Variants in TRA2A observed in about 807,000 individuals in gnomAD.
TRA2A encodes transformer 2 alpha homolog, also known as transformer-2 protein homolog alpha.
A neutral mutation model predicts 45.7 loss-of-function variants in TRA2A; 31 were observed. The ratio of observed to expected loss-of-function variants is 0.68; its 90% CI spans 0.51 to 0.92. The LOEUF (loss-of-function observed/expected upper bound fraction) is 0.92. Ranked by LOEUF, TRA2A falls within the 40% of genes least tolerant of loss-of-function variation. TRA2A has a pLI of 0.00. For missense variants in TRA2A, 304 were observed against 367.5 expected (o/e 0.83, Z 1.41); for synonymous variants, 132 against 126.2 (o/e 1.05, Z -0.31).
In TRA2A at chr7:23,507,462, G is replaced by T. The variant is rs1355970199; in HGVS notation, c.599C>A (p.Ala200Glu). Residue 200 changes from alanine to glutamate, a missense_variant, in exon 5 of 8, where the codon GCG (alanine) becomes GAG (glutamate). Physicochemically the swap from Ala to Glu is moderately radical, Grantham distance 107 (BLOSUM62 -1). Transcript: ENST00000297071. The part of the protein sequence containing the change: ...IRVDYSITKR[A>E]HTPTPGIYMG... ...GTAGATGCCTGGTGTTGGTGTGTGC[G>T]CTCTCTTGGTTATAGAATAATCCAC... 2 of 1,613,954 alleles carry T rather than the reference G, an allele frequency of 1.2e-6. No individual in the cohort carries two copies. The highest frequency in any genetic ancestry group is 1.7e-6 in the Non-Finnish European group (2 of 1,180,022).
At chr7:23,524,179 G>C (rs1299862548) in intron 1 of TRA2A, among the ~76,000 whole-genome samples, 1 of 152,126 alleles carries the variant, frequency 6.6e-6, no homozygotes, top group African/African-American at 2.4e-5. Context: ...CTTTTTAAGA[G>C]ATGTTAGCTT....
Position 23,504,896 on chromosome 7 carries a change from C to A in TRA2A, c.*663G>T, listed in dbSNP as rs1436400081. 2.6e-5 allele frequency: 4 copies of A among 152,644 alleles called. No individual in the cohort carries two copies. The East Asian group carries it at 7.7e-4, about 29-fold the overall frequency. 9.5% of individuals were successfully genotyped at this position (152,644 alleles called of 1,614,324 possible). A position where few individuals can be genotyped will look rare whatever the true frequency, so the allele number is the denominator to read the frequency against. On this transcript the variant is annotated 3_prime_UTR_variant, in exon 8 of 8. Transcript: ENST00000297071. Reference sequence around the variant, plus strand: ...GTCCCAATACCAAAATTTCTAACAGCGAATTATACAACTGCTCTAGGTAAT... The same window carrying A: ...GTCCCAATACCAAAATTTCTAACAGAGAATTATACAACTGCTCTAGGTAAT...
intron 1 of TRA2A, among the ~76,000 whole-genome samples, chr7:23,527,488 T>C (rs894268846): frequency 1.3e-5 from 2 of 152,202 alleles, no homozygotes; most frequent in African/African-American, 4.8e-5. Context: ...TACACATCTT[T>C]TAGTTATCTA....
At chr7:23,512,792 A>T (rs1789687655) in intron 4 of TRA2A, 102 bp downstream of exon 4, 9 of 1,042,540 alleles carry the variant, frequency 8.6e-6, no homozygotes, top group Non-Finnish European at 1.2e-5. Context: ...AAAAAAGAAA[A>T]AAAGGAAGAA....
At chr7:23,531,700 T>C (rs112869888) in intron 1 of TRA2A, 89 bp downstream of exon 1, 2 of 1,475,798 alleles carry the variant, frequency 1.4e-6, no homozygotes, top group African/African-American at 2.8e-5. Context: ...CTCGCGGGAC[T>C]ACCCGCAACC....
chr7:23,517,477 C>CAAAAAAAAA (rs70954385), intron 2 of TRA2A, among the ~76,000 whole-genome samples: 333 of 13,902 alleles, frequency 0.024, 61 homozygotes, highest in Non-Finnish European at 0.034. Flanking sequence ...GACTACGTCT[C>CAAAAAAAAA]AAAAAAAAAA....
intron 1 of TRA2A, chr7:23,522,275 AT>A (rs934507488): frequency 7.3e-6 from 8 of 1,095,412 alleles, no homozygotes; most frequent in African/African-American, 1.7e-5. Flanking sequence ...CCTTAAAAAA[AT>A]ATTCAAGTGC....
chr7:23,507,580 T>C (rs781478055), intron 4 of TRA2A, 45 bp from the exon 5 acceptor site: 1 of 1,322,666 alleles, frequency 7.6e-7, no homozygotes, highest in South Asian at 1.2e-5. Flanking sequence ...TCACCAGTCT[T>C]GAAGTAATCA....
intron 3 of TRA2A, among the ~76,000 whole-genome samples, chr7:23,515,577 G>C (rs1458054973): frequency 6.7e-6 from 1 of 149,738 alleles, no homozygotes; most frequent in Non-Finnish European, 1.5e-5. Flanking sequence ...GTCTCGCTCT[G>C]TCTCCCAGGC....
chr7:23,522,536 G>T (rs2127998957), intron 1 of TRA2A: 11 of 202,522 alleles, frequency 5.4e-5, no homozygotes, highest in Non-Finnish European at 7.9e-5. Context: ...AGCAGGTAAA[G>T]TGCAAGTAAC....
intron 4 of TRA2A, among the ~76,000 whole-genome samples, chr7:23,512,244 G>A (rs149286966): frequency 3.3e-5 from 5 of 152,262 alleles, no homozygotes; most frequent in Non-Finnish European, 5.9e-5. Context: ...GCTCATGCCT[G>A]TAAACCCAGC....
intron 1 of TRA2A, chr7:23,531,236 A>C: frequency 1.0e-6 from 1 of 986,992 alleles, no homozygotes; most frequent in Non-Finnish European, 1.2e-6. Flanking sequence ...TTTTAGACGC[A>C]ACGCCGCCGG....
intron 1 of TRA2A, among the ~76,000 whole-genome samples, chr7:23,526,688 AC>A (rs1790353340): frequency 6.6e-6 from 1 of 152,136 alleles, no homozygotes; most frequent in Non-Finnish European, 1.5e-5. Flanking sequence ...ATCTTCTTAA[AC>A]CGTAACTGCT....
In TRA2A at chr7:23,505,285, C is replaced by CA. The variant is rs780198985; in HGVS notation, c.*273dup. 0.027 allele frequency: 7,878 copies of CA among 294,072 alleles called. 17 individuals carry two copies. Among genetic ancestry groups the CA allele is most frequent in the Non-Finnish European group, 0.032 (5,284 of 162,928 alleles). The allele number at this position is 294,072 out of a possible 1,614,324, so 18.2% of individuals were successfully genotyped here. On this transcript the variant is annotated 3_prime_UTR_variant, in exon 8 of 8. Transcript: ENST00000297071. ...AGCTAGAAGTTTATCTAGGTAAAAG[C>CA]AAAAAAAAAAATTTACAAAGCATAA...
chr7:23,509,508 G>A (rs1388533340), intron 4 of TRA2A, among the ~76,000 whole-genome samples: 1 of 152,038 alleles, frequency 6.6e-6, no homozygotes, highest in South Asian at 2.1e-4. Context: ...GGCCAAGATG[G>A]GGGGATCATG....
chr7:23,527,257 T>C (rs1317534591), intron 1 of TRA2A, among the ~76,000 whole-genome samples: 1 of 152,148 alleles, frequency 6.6e-6, no homozygotes, highest in Non-Finnish European at 1.5e-5. Context: ...GTGAAAGTCA[T>C]GGGACAGTAA....
At chr7:23,531,350 A>T in intron 1 of TRA2A, 1 of 651,388 alleles carries the variant, frequency 1.5e-6, no homozygotes, top group East Asian at 1.3e-4. Flanking sequence ...AGCCCCGCGC[A>T]CTTTCGATCC....
At chr7:23,517,778 G>A (rs1789953307) in intron 2 of TRA2A, among the ~76,000 whole-genome samples, 1 of 151,392 alleles carries the variant, frequency 6.6e-6, no homozygotes, top group Non-Finnish European at 1.5e-5. Flanking sequence ...TGGGCGTGGT[G>A]GCGCACACCT....
chr7:23,516,437 T>G lies in TRA2A; in HGVS notation c.262A>C (p.Thr88Pro), dbSNP rs1008335058. 5 of 1,614,234 alleles carry G rather than the reference T, an allele frequency of 3.1e-6. No individual in the cohort carries two copies. Among genetic ancestry groups the G allele is most frequent in the Non-Finnish European group, 8.5e-7 (1 of 1,180,034 alleles). Residue 88 changes from threonine to proline, a missense_variant, in exon 3 of 8, where the codon ACA becomes CCA. By Grantham distance (38) the Thr-to-Pro change is conservative. Around this residue, in one of 3 missense-constraint regions of TRA2A, gnomAD observed 132 missense variants for 113.4 expected, o/e 1.16. Coordinates refer to ENST00000297071, the MANE Select transcript of TRA2A (RefSeq NM_013293.5). ...HRRRSRSRSY[T>P]PEYRRRRSRS... is the part of the protein sequence containing the mutation. ...CTCCTTCGCCGCCGGTATTCTGGTG[T>G]ATATGATCTACTTCGAGATCGTCTC...
Sources: allele counts gnomAD v4.1 joint callset (sites outside exome capture counted in the v4.1 genomes callset), GRCh38; gene constraint gnomAD v4.1.1; regional missense constraint gnomAD v4.1.1; transcripts MANE v1.5; gene names NCBI Gene and HGNC (gene_info 2026-07-23, HGNC 2026-07-21).